KIAA1217: variants seen among roughly 807,000 people sequenced by gnomAD.
KIAA1217 encodes the protein KIAA1217.
KIAA1217 carries 88 observed loss-of-function variants against 163.9 expected under a neutral mutation model. The ratio of observed to expected loss-of-function variants is 0.54; its 90% CI spans 0.45 to 0.64. The LOEUF (loss-of-function observed/expected upper bound fraction) is 0.64, where lower values mean the gene tolerates loss of function less well. Among genes scored for constraint, KIAA1217 ranks in the 30% least tolerant of loss-of-function variants. The probability of loss-of-function intolerance (pLI) is 0.00; values close to 1 mark genes in which losing one functional copy is unlikely to be tolerated. For synonymous variants in KIAA1217, 903 were observed against 923.1 expected, an observed-to-expected ratio of 0.98 and a Z score of 0.39; for missense variants, 2,372 against 2,475.0, an observed-to-expected ratio of 0.96 and a Z score of 0.88.
chr10:24,055,108 A>C (rs1849796159), intron 2 of KIAA1217, among the ~76,000 whole-genome samples: 2 of 152,042 alleles, frequency 1.3e-5, no homozygotes, highest in South Asian at 2.1e-4. Context: ...CTCTACAAAA[A>C]AGAAAAAAAA....
intron 2 of KIAA1217, among the ~76,000 whole-genome samples, chr10:24,068,191 T>C (rs1343825887): frequency 6.6e-6 from 1 of 152,198 alleles, no homozygotes; most frequent in Non-Finnish European, 1.5e-5. Flanking sequence ...ATGAACCCAG[T>C]ACCTCTGTTG....
rs1283961563 is a variant in KIAA1217, at chr10:24,546,036, T to C, written c.5544T>C (p.Ala1848=). ...TCAGCCCCCAAACAGGACCACCTGC[T>C]CACTCTGCCTCCCTCATCCCTTCTG... The part of the protein sequence containing the change: ...NPLSPQTGPP[A]HSASLIPSVS... Residue 1848 remains alanine (A), a synonymous_variant, in exon 21 of 21, where the codon GCT becomes GCC. Transcript: ENST00000376454. The C allele has an allele frequency of 1.9e-6, 3 of 1,614,194 alleles. No individual in the cohort carries two copies. The highest frequency in any genetic ancestry group is 2.2e-5 in the South Asian group (2 of 91,078).
chr10:23,799,733 T>G (rs1391585546), intron 1 of KIAA1217, among the ~76,000 whole-genome samples: 1 of 152,194 alleles, frequency 6.6e-6, no homozygotes, highest in African/African-American at 2.4e-5. Context: ...GGCTTATGTA[T>G]GAAATAGAAA....
intron 1 of KIAA1217, among the ~76,000 whole-genome samples, chr10:23,903,676 T>G (rs1313184518): frequency 6.6e-6 from 1 of 152,060 alleles, no homozygotes; most frequent in Non-Finnish European, 1.5e-5. Context: ...TATGACCTAC[T>G]TTCAGGGGAA....
chr10:23,969,796 A>G (rs549990080), intron 1 of KIAA1217, among the ~76,000 whole-genome samples: 2 of 152,292 alleles, frequency 1.3e-5, no homozygotes, highest in Non-Finnish European at 2.9e-5. Flanking sequence ...TTGAAGTTCA[A>G]TTGTATTAGT....
chr10:24,541,372 G>A (rs577062731), intron 17 of KIAA1217, among the ~76,000 whole-genome samples: 5 of 151,920 alleles, frequency 3.3e-5, no homozygotes, highest in Admixed American at 1.3e-4. Context: ...TTGGTGGCTC[G>A]TGTACCTTGT....
intron 1 of KIAA1217, among the ~76,000 whole-genome samples, chr10:23,811,036 A>G (rs1450649548): frequency 2.3e-5 from 3 of 127,778 alleles, no homozygotes; most frequent in African/African-American, 9.0e-5. Context: ...TATGATATGT[A>G]TACAATATAT....
chr10:23,992,257 A>T (rs1291717068), intron 1 of KIAA1217, among the ~76,000 whole-genome samples: 1 of 152,200 alleles, frequency 6.6e-6, no homozygotes, highest in Non-Finnish European at 1.5e-5. Context: ...AAAAGGAAAA[A>T]CTCACTAAGT....
chr10:24,193,956 G>A (rs1438673836), intron 2 of KIAA1217, among the ~76,000 whole-genome samples: 1 of 152,068 alleles, frequency 6.6e-6, no homozygotes, highest in Admixed American at 6.6e-5. Context: ...GGAAGTCTAG[G>A]TGGATGGATC....
rs114360259 is a variant in KIAA1217 at position 24,209,945 on chromosome 10, C to A, written c.70+682C>A. On this transcript the variant is annotated intron_variant, in intron 1 of 20. Transcript: ENST00000376454. ...GAATTTCCAGAAGCTTATGTTGTTCCAAAGAAATTTCGCACCGGGTTGGGT... is the reference window on the plus strand; with the variant it reads ...GAATTTCCAGAAGCTTATGTTGTTCAAAAGAAATTTCGCACCGGGTTGGGT... Among the ~76,000 whole-genome samples the A allele has an allele frequency of 2.0e-5, 3 of 152,040 alleles. No homozygotes were observed. In the South Asian group the frequency reaches 6.2e-4, roughly 32 times the overall value.
At chr10:24,545,231 G>A in intron 20 of KIAA1217, 128 bp downstream of exon 20, 2 of 1,457,014 alleles carry the variant, frequency 1.4e-6, no homozygotes, top group Non-Finnish European at 1.8e-6. Context: ...TGGATCTGGG[G>A]GCATGAAGAA....
At chr10:24,075,609 T>C (rs1235601266) in intron 2 of KIAA1217, among the ~76,000 whole-genome samples, 1 of 150,430 alleles carries the variant, frequency 6.6e-6, no homozygotes, top group Non-Finnish European at 1.5e-5. Flanking sequence ...ATTTTATCTT[T>C]TTTTTTTTTT....
chr10:24,457,383 G>T (rs2061913775), intron 5 of KIAA1217, among the ~76,000 whole-genome samples: 1 of 136,580 alleles, frequency 7.3e-6, no homozygotes, highest in East Asian at 2.5e-4. Context: ...TGGGTGGCGG[G>T]GTTTGGGGGG....
At chr10:24,147,747 G>A (rs2064386675) in intron 2 of KIAA1217, among the ~76,000 whole-genome samples, 1 of 145,534 alleles carries the variant, frequency 6.9e-6, no homozygotes, top group Non-Finnish European at 1.5e-5. Context: ...GCAGGAGAAT[G>A]GCTTGAACCT....
intron 1 of KIAA1217, among the ~76,000 whole-genome samples, chr10:23,889,165 T>C (rs1044088425): frequency 6.6e-6 from 1 of 151,946 alleles, no homozygotes; most frequent in Non-Finnish European, 1.5e-5. Flanking sequence ...TTCATAGATG[T>C]TTTCATTGCT....
chr10:24,389,294 C>T (rs1025237958), intron 3 of KIAA1217, among the ~76,000 whole-genome samples: 1 of 151,960 alleles, frequency 6.6e-6, no homozygotes, highest in Non-Finnish European at 1.5e-5. Context: ...AGCAAACTAT[C>T]GCAAGGACAG....
chr10:24,418,133 A>AT (rs1451456928), intron 3 of KIAA1217, among the ~76,000 whole-genome samples: 2 of 150,518 alleles, frequency 1.3e-5, no homozygotes, highest in South Asian at 2.1e-4. Flanking sequence ...CTTTTTTTTT[A>AT]TTTTTTGTAG....
intron 2 of KIAA1217, among the ~76,000 whole-genome samples, chr10:24,364,473 C>T (rs1237986084): frequency 2.6e-5 from 4 of 152,108 alleles, no homozygotes; most frequent in Admixed American, 1.3e-4. Flanking sequence ...AAAAAAGGTT[C>T]TCAGTGAGGT....
intron 2 of KIAA1217, among the ~76,000 whole-genome samples, chr10:24,365,061 T>G (rs1429853008): frequency 1.3e-5 from 2 of 152,168 alleles, no homozygotes; most frequent in Admixed American, 1.3e-4. Flanking sequence ...TGTCTCAGCC[T>G]CCCAAAGTGC....
Sources: allele counts gnomAD v4.1 joint callset (sites outside exome capture counted in the v4.1 genomes callset), GRCh38; gene constraint gnomAD v4.1.1; transcripts MANE v1.5; gene names NCBI Gene and HGNC (gene_info 2026-07-23, HGNC 2026-07-21).